The following ITGB5 variants were observed in gnomAD, a reference collection of about 807,000 sequenced individuals.
The protein encoded by ITGB5 is integrin subunit beta 5.
Under a neutral mutation model 84.8 loss-of-function variants are expected in ITGB5, and 38 were observed. The observed-to-expected ratio is 0.45, with a 90% confidence interval of 0.35 to 0.59. The LOEUF is 0.59. ITGB5 is among the 20% of genes least tolerant of loss of function. The probability of loss-of-function intolerance (pLI) is 0.01; values close to 1 mark genes in which losing one functional copy is unlikely to be tolerated. For synonymous variants in ITGB5, 393 were observed against 414.4 expected (o/e 0.95, Z 0.63); for missense variants, 905 against 1,034.5 (o/e 0.87, Z 1.72).
intron 10 of ITGB5, among the ~76,000 whole-genome samples, chr3:124,793,695 G>T (rs1246541175): frequency 6.6e-6 from 1 of 152,258 alleles, no homozygotes; most frequent in East Asian, 1.9e-4. Flanking sequence ...CAGGCCTCCT[G>T]CTATGGAGCC....
rs753961930 is a variant in ITGB5 at position 124,859,367 on chromosome 3, A to G, written c.236T>C (p.Ile79Thr). The G allele has an allele frequency of 1.9e-6, 3 of 1,613,782 alleles. No individual in the cohort carries two copies. Among genetic ancestry groups the G allele is most frequent in the Non-Finnish European group, 2.5e-6 (3 of 1,179,954 alleles). Residue 79 changes from isoleucine (I) to threonine (T), a missense_variant, in exon 3 of 15, where the codon ATA (isoleucine) becomes ACA (threonine). Physicochemically the swap from Ile to Thr is moderately conservative, Grantham distance 89 (BLOSUM62 -1). Coordinates refer to ENST00000296181, the MANE Select transcript of ITGB5 (RefSeq NM_002213.5). ...NLVKNGCGGE[I>T]ESPASSFHVL... ...ATGGAAGCTGCTGGCTGGGCTCTCT[A>G]TCTCACCTCCACAGCCATTTTTGAC...
chr3:124,870,908 T>A, intron 2 of ITGB5, among the ~76,000 whole-genome samples: 1 of 152,244 alleles, frequency 6.6e-6, no homozygotes, highest in African/African-American at 2.4e-5. Context: ...TTTTCTTTTT[T>A]GAGACAGGGT....
At chr3:124,802,712 T>C (rs532647128) in intron 9 of ITGB5, among the ~76,000 whole-genome samples, 10 of 152,370 alleles carry the variant, frequency 6.6e-5, no homozygotes, top group African/African-American at 2.2e-4. Context: ...CTGCCCCCGA[T>C]GGCCTCCAAG....
chr3:124,803,139 C>A (rs1269477403), intron 9 of ITGB5, among the ~76,000 whole-genome samples: 1 of 152,166 alleles, frequency 6.6e-6, no homozygotes, highest in African/African-American at 2.4e-5. Context: ...CATGTAAAAT[C>A]TTTTTCAAGT....
chr3:124,764,801 G>T (rs1271170536), intron 13 of ITGB5, among the ~76,000 whole-genome samples: 1 of 152,262 alleles, frequency 6.6e-6, no homozygotes, highest in African/African-American at 2.4e-5. Flanking sequence ...GGGCAGGGCT[G>T]CCTTTCCCCT....
At position 124,880,959 on chromosome 3, in the gene ITGB5, A is replaced by C. The variant is rs113478115; in HGVS notation, c.70+5972T>G. Among the ~76,000 whole-genome samples the C allele has an allele frequency of 7.2e-3, 1,098 of 151,814 alleles. 8 individuals carry two copies. Among genetic ancestry groups the C allele is most frequent in the African/African-American group, 0.024 (1,013 of 41,454 alleles). ...AAAATAAAAAAGAAAGGGAAAAAGA[A>C]AAGAAAAAGTACATATGTAAAAGTT... On this transcript the variant is annotated intron_variant, in intron 1 of 14. Transcript: ENST00000296181.
At chr3:124,819,935 G>T (rs1579248287) in intron 6 of ITGB5, 101 bp from the exon 7 acceptor site, 2 of 887,006 alleles carry the variant, frequency 2.3e-6, no homozygotes, top group East Asian at 4.8e-5. Context: ...TGCCAGGGAA[G>T]CACCTTTTCC....
At chr3:124,855,549 T>C (rs1487101856) in intron 3 of ITGB5, among the ~76,000 whole-genome samples, 3 of 152,238 alleles carry the variant, frequency 2.0e-5, no homozygotes, top group Non-Finnish European at 4.4e-5. Context: ...CAAGTGTTTC[T>C]ACATTTGGGA....
At position 124,810,413 on chromosome 3, in the gene ITGB5, T is replaced by C. The variant is rs1348961733; in HGVS notation, c.1129-1257A>G. On this transcript the variant is annotated intron_variant, in intron 8 of 14. Coordinates refer to ENST00000296181, the MANE Select transcript of ITGB5 (RefSeq NM_002213.5). ...TGCTGGATACTCAGGTTTATTTAATTTGTGAAAAGTGTGTGAAATTTTCTA... is the reference window on the plus strand; with the variant it reads ...TGCTGGATACTCAGGTTTATTTAATCTGTGAAAAGTGTGTGAAATTTTCTA... Among the ~76,000 whole-genome samples, 4 of 152,100 alleles carry C rather than the reference T, an allele frequency of 2.6e-5. No homozygotes were observed. The South Asian group carries it at 6.2e-4, about 24-fold the overall frequency.
Position 124,859,333 on chromosome 3 carries a change from C to T in ITGB5, c.270G>A (p.Arg90=), listed in dbSNP as rs1282306399. The part of the protein sequence containing the change: ...ESPASSFHVL[R]SLPLSSKGSG... Reference sequence around the variant, plus strand: ...AACCCTTGCTGCTGAGGGGCAGGCTCCTCAGGACATGGAAGCTGCTGGCTG... The same window carrying T: ...AACCCTTGCTGCTGAGGGGCAGGCTTCTCAGGACATGGAAGCTGCTGGCTG... The change falls in exon 3 of 15, where the codon AGG becomes AGA. Residue 90 remains arginine (R), a synonymous_variant. Transcript: ENST00000296181. 3.1e-6 allele frequency: 5 copies of T among 1,614,060 alleles called. No individual in the cohort carries two copies. The African/African-American group carries it at 6.7e-5, about 22-fold the overall frequency.
chr3:124,772,344 C>G (rs1299918199), intron 11 of ITGB5, among the ~76,000 whole-genome samples: 1 of 152,216 alleles, frequency 6.6e-6, no homozygotes, highest in South Asian at 2.1e-4. Context: ...CAATTACCCA[C>G]GCCTGGGTTA....
chr3:124,848,591 G>T (rs2065109690), intron 3 of ITGB5, 33 bp from the exon 4 acceptor site: 1 of 1,592,316 alleles, frequency 6.3e-7, no homozygotes. Flanking sequence ...TGTGTTAGAG[G>T]TTGTGCAACC....
chr3:124,814,479 A>G (rs1011901900), intron 8 of ITGB5, among the ~76,000 whole-genome samples: 1 of 94,456 alleles, frequency 1.1e-5, no homozygotes, highest in African/African-American at 3.5e-5. Flanking sequence ...TTTCCAATTT[A>G]AAAAAAAAAA....
At chr3:124,821,709 C>T (rs4678166) in intron 5 of ITGB5, among the ~76,000 whole-genome samples, 15,456 of 152,302 alleles carry the variant, frequency 0.1, 928 homozygotes, top group South Asian at 0.2. Flanking sequence ...CAAGTCTTTG[C>T]CCACTTTGGC....
Position 124,838,415 on chromosome 3 carries a change from T to C in ITGB5, c.780+2968A>G, listed in dbSNP as rs531665149. ...CAAAACAGAAGTATACTGTCCATAT[T>C]GTTTTATAACCTGCTTCCCATGCCA... On this transcript the variant is annotated intron_variant, in intron 5 of 14. Coordinates refer to ENST00000296181, the MANE Select transcript of ITGB5 (RefSeq NM_002213.5). 3.3e-5 allele frequency among the ~76,000 whole-genome samples: 5 copies of C among 152,348 alleles called. No individual in the cohort carries two copies. In the East Asian group the frequency reaches 9.6e-4, roughly 29 times the overall value.
At chr3:124,782,004 G>A (rs562987206) in intron 10 of ITGB5, among the ~76,000 whole-genome samples, 1 of 152,326 alleles carries the variant, frequency 6.6e-6, no homozygotes, top group South Asian at 2.1e-4. Context: ...GTGCAATAGA[G>A]AAATGTATGT....
chr3:124,827,458 T>G (rs754966301), intron 5 of ITGB5, among the ~76,000 whole-genome samples: 5 of 152,258 alleles, frequency 3.3e-5, no homozygotes, highest in Non-Finnish European at 5.9e-5. Flanking sequence ...TATATAACTG[T>G]TACAGGGAAT....
chr3:124,772,334 C>CAATT (rs1462524637), intron 11 of ITGB5, among the ~76,000 whole-genome samples: 13 of 152,240 alleles, frequency 8.5e-5, no homozygotes, highest in African/African-American at 2.9e-4. Flanking sequence ...AGCCAGCTTT[C>CAATT]AATTACCCAC....
At chr3:124,783,084 A>G (rs2064028070) in intron 10 of ITGB5, among the ~76,000 whole-genome samples, 1 of 151,968 alleles carries the variant, frequency 6.6e-6, no homozygotes, top group South Asian at 2.1e-4. Context: ...TGAGGTCAGG[A>G]GTTCGAGACA....
Sources: allele counts gnomAD v4.1 joint callset (sites outside exome capture counted in the v4.1 genomes callset), GRCh38; gene constraint gnomAD v4.1.1; transcripts MANE v1.5; gene names NCBI Gene and HGNC (gene_info 2026-07-23, HGNC 2026-07-21).